Variants in DPY19L1 observed in about 807,000 individuals in gnomAD.
DPY19L1 encodes the protein protein C-mannosyl-transferase DPY19L1.
Under a neutral mutation model 96.9 loss-of-function variants are expected in DPY19L1, and 35 were observed. The ratio of observed to expected loss-of-function variants is 0.36; its 90% CI spans 0.28 to 0.48. The LOEUF is 0.48. Ranked by LOEUF, DPY19L1 falls within the 20% of genes least tolerant of loss-of-function variation. DPY19L1 has a pLI of 0.99. For missense variants in DPY19L1, 521 were observed against 777.9 expected, an observed-to-expected ratio of 0.67 and a Z score of 3.93; for synonymous variants, 205 against 252.6, an observed-to-expected ratio of 0.81 and a Z score of 1.79.
chr7:34,966,928 A>T lies in DPY19L1; in HGVS notation c.1058T>A (p.Ile353Lys). 1.3e-6 allele frequency: 2 copies of T among 1,546,080 alleles called. No homozygotes were observed. Among genetic ancestry groups the T allele is most frequent in the Non-Finnish European group, 1.7e-6 (2 of 1,147,472 alleles). ...FAVYVVGYID[I>K]CKLRKIIYIH... ...ATAAATGATCTTCCGTAATTTACAT[A>T]TATCAATGTACCCGACAACATATAC... is the stretch of plus-strand genomic sequence containing the variant. Residue 353 changes from isoleucine (I) to lysine (K), a missense_variant, in exon 10 of 22, where the codon ATA becomes AAA. Physicochemically the swap from Ile to Lys is moderately radical, Grantham distance 102. Coordinates refer to ENST00000638088, the MANE Select transcript of DPY19L1 (RefSeq NM_001366673.1).
chr7:35,012,202 G>C (rs1785728847), intron 4 of DPY19L1, among the ~76,000 whole-genome samples: 1 of 152,186 alleles, frequency 6.6e-6, no homozygotes. Flanking sequence ...TCAAGGCCAG[G>C]GGCCCTTCTC....
chr7:35,037,602 G>A (rs1236445234), upstream of DPY19L1: 1 of 257,654 alleles, frequency 3.9e-6, no homozygotes, highest in Admixed American at 5.5e-5. Context: ...CCGGGAGGCG[G>A]CGCCGGACTT....
chr7:34,966,893 C>A lies in DPY19L1; in HGVS notation c.1092+1G>T. 6.6e-7 allele frequency: 1 copy of A among 1,521,578 alleles called. No homozygotes were observed. Among genetic ancestry groups the A allele is most frequent in the Non-Finnish European group, 8.8e-7 (1 of 1,133,230 alleles). The allele number at this position is 1,521,578 out of a possible 1,614,324, so 94.3% of individuals were successfully genotyped here. A position where few individuals can be genotyped will look rare whatever the true frequency, so the allele number is the denominator to read the frequency against. On this transcript the variant is annotated splice_donor_variant, in intron 10 of 21. Coordinates refer to ENST00000638088, the MANE Select transcript of DPY19L1 (RefSeq NM_001366673.1). LOFTEE classifies it high-confidence loss of function. ...GGAAAAGAACAATAAAAAATTATTA[C>A]CATGTGTATATAAATGATCTTCCGT...
intron 10 of DPY19L1, among the ~76,000 whole-genome samples, chr7:34,965,227 G>A (rs552187263): frequency 9.9e-5 from 15 of 152,200 alleles, no homozygotes; most frequent in Admixed American, 7.2e-4. Context: ...AGAAGCTGGG[G>A]GGAGAGGAGA....
chr7:34,960,322 T>C (rs1415292981), intron 10 of DPY19L1, among the ~76,000 whole-genome samples: 3 of 152,098 alleles, frequency 2.0e-5, no homozygotes, highest in East Asian at 1.9e-4. Context: ...TCCATTTCTT[T>C]AAATCTTCTT....
At chr7:34,942,896 C>T (rs1228146489) in intron 16 of DPY19L1, among the ~76,000 whole-genome samples, 3 of 152,150 alleles carry the variant, frequency 2.0e-5, no homozygotes, top group Admixed American at 1.3e-4. Flanking sequence ...CAAAGGCACA[C>T]GGTGGTGTCC....
At chr7:35,008,306 T>C (rs1172092002) in intron 6 of DPY19L1, among the ~76,000 whole-genome samples, 1 of 152,132 alleles carries the variant, frequency 6.6e-6, no homozygotes, top group African/African-American at 2.4e-5. Context: ...ATAGTGTGTG[T>C]TGACTGAACA....
intron 1 of DPY19L1, among the ~76,000 whole-genome samples, chr7:35,031,207 T>C (rs939901140): frequency 2.0e-5 from 3 of 152,296 alleles, no homozygotes; most frequent in East Asian, 1.9e-4. Flanking sequence ...CAACCTCAGA[T>C]TGAAAATAGT....
At chr7:35,032,245 C>G (rs1786277109) in intron 1 of DPY19L1, among the ~76,000 whole-genome samples, 1 of 152,076 alleles carries the variant, frequency 6.6e-6, no homozygotes, top group South Asian at 2.1e-4. Context: ...TGAAATATAG[C>G]ATACTAGTTA....
At chr7:35,002,878 C>G (rs1334973778) in intron 6 of DPY19L1, among the ~76,000 whole-genome samples, 1 of 152,218 alleles carries the variant, frequency 6.6e-6, no homozygotes, top group African/African-American at 2.4e-5. Context: ...ACGCCATTCT[C>G]CTGCCTCAGC....
At chr7:34,957,900 C>T in intron 11 of DPY19L1, 84 bp downstream of exon 11, 1 of 837,714 alleles carries the variant, frequency 1.2e-6, no homozygotes, top group Non-Finnish European at 1.9e-6. Flanking sequence ...TACAGAAAAC[C>T]CTGATGAATC....
intron 1 of DPY19L1, among the ~76,000 whole-genome samples, chr7:35,028,810 G>T (rs329260): frequency 0.47 from 71,892 of 151,998 alleles, 17,437 homozygotes; most frequent in Admixed American, 0.61. Context: ...GGAAAAGGGG[G>T]GGACAATTCC....
intron 6 of DPY19L1, among the ~76,000 whole-genome samples, chr7:35,004,154 C>G (rs1239701331): frequency 2.6e-5 from 4 of 152,218 alleles, no homozygotes; most frequent in African/African-American, 7.2e-5. Flanking sequence ...AGGCTTAACT[C>G]TCACTTTTGG....
At chr7:34,994,619 C>A (rs1453014658) in intron 6 of DPY19L1, among the ~76,000 whole-genome samples, 2 of 151,982 alleles carry the variant, frequency 1.3e-5, no homozygotes, top group African/African-American at 4.8e-5. Context: ...TCCTGGCTAA[C>A]ATGGTGAAAA....
intron 10 of DPY19L1, among the ~76,000 whole-genome samples, chr7:34,959,929 A>ATATATATATATAAATATATATATT (rs1784466892): frequency 9.9e-5 from 5 of 50,384 alleles, no homozygotes; most frequent in Admixed American, 5.4e-4. Flanking sequence ...ATATATTTAT[A>ATATATATATATAAATATATATATT]TATATATATA....
At position 34,969,437 on chromosome 7, in the gene DPY19L1, G is replaced by C. The variant is rs368309632; in HGVS notation, c.1010C>G (p.Thr337Ser). 6.5e-7 allele frequency: 1 copy of C among 1,531,398 alleles called. No homozygotes were observed. The highest frequency in any genetic ancestry group is 8.8e-7 in the Non-Finnish European group (1 of 1,139,152). 94.9% of individuals were successfully genotyped at this position (1,531,398 alleles called of 1,614,324 possible). A position where few individuals can be genotyped will look rare whatever the true frequency, so the allele number is the denominator to read the frequency against. Residue 337 changes from threonine to serine, a missense_variant, in exon 9 of 22, where the codon ACT (threonine) becomes AGT (serine). Physicochemically the swap from Thr to Ser is moderately conservative, Grantham distance 58. Coordinates refer to ENST00000638088, the MANE Select transcript of DPY19L1 (RefSeq NM_001366673.1). ...PWQFAQFVLLTQIASLFAVYV... is the reference protein window; with the variant it reads ...PWQFAQFVLLSQIASLFAVYV... ...CTTAAAATATAATCACCTCACCTGA[G>C]TAAGAAGTACAAACTGAGCAAACTG...
At chr7:35,000,237 G>T (rs918343190) in intron 6 of DPY19L1, among the ~76,000 whole-genome samples, 1 of 152,032 alleles carries the variant, frequency 6.6e-6, no homozygotes, top group Admixed American at 6.6e-5. Flanking sequence ...ATAGCTGTTC[G>T]TATTCACCAC....
intron 11 of DPY19L1, among the ~76,000 whole-genome samples, chr7:34,955,871 G>C (rs183142147): frequency 6.6e-6 from 1 of 152,142 alleles, no homozygotes; most frequent in Non-Finnish European, 1.5e-5. Flanking sequence ...TATGATTAGA[G>C]ATCAAAACAT....
At chr7:34,937,679 C>G (rs902335984) in intron 21 of DPY19L1, among the ~76,000 whole-genome samples, 2 of 152,116 alleles carry the variant, frequency 1.3e-5, no homozygotes, top group African/African-American at 2.4e-5. Context: ...CACGCCTGTA[C>G]TCCCAGCACT....
Sources: allele counts gnomAD v4.1 joint callset (sites outside exome capture counted in the v4.1 genomes callset), GRCh38; gene constraint gnomAD v4.1.1; transcripts MANE v1.5; gene names NCBI Gene and HGNC (gene_info 2026-07-23, HGNC 2026-07-21).